GAN: variants seen among roughly 807,000 people sequenced by gnomAD.
GAN encodes the protein epididymis secretory sperm binding protein.
In GAN, 48 loss-of-function variants were observed where a neutral mutation model predicts 71.3. The ratio of observed to expected loss-of-function variants is 0.67; its 90% confidence interval spans 0.53 to 0.86. The LOEUF is 0.86. Ranked by LOEUF, GAN falls within the 40% of genes least tolerant of loss-of-function variation. The probability of loss-of-function intolerance (pLI) is 0.00; values close to 1 mark genes in which losing one functional copy is unlikely to be tolerated. For missense variants in GAN, 928 were observed against 770.1 expected, an observed-to-expected ratio of 1.21 and a Z score of -2.43; for synonymous variants, 386 against 276.8, an observed-to-expected ratio of 1.39 and a Z score of -3.92.
chr16:81,375,236 A>G (rs1292001679), intron 9 of GAN, among the ~76,000 whole-genome samples: 4 of 151,820 alleles, frequency 2.6e-5, no homozygotes, highest in Non-Finnish European at 2.9e-5. Flanking sequence ...TATCCACAGG[A>G]TATAAAGAAT....
At chr16:81,358,817 G>A (rs916882381) in intron 5 of GAN, among the ~76,000 whole-genome samples, 7 of 152,108 alleles carry the variant, frequency 4.6e-5, no homozygotes, top group Admixed American at 1.3e-4. Flanking sequence ...CTGTCTTTTC[G>A]CCGTGGTCCT....
chr16:81,371,305 T>A (rs925582976), intron 9 of GAN, among the ~76,000 whole-genome samples: 1 of 152,170 alleles, frequency 6.6e-6, no homozygotes, highest in Non-Finnish European at 1.5e-5. Flanking sequence ...ATCTCAAGAG[T>A]TGGCGTCTAT....
chr16:81,354,620 C>T lies in GAN; in HGVS notation c.498C>T (p.Ser166=). The part of the protein sequence containing the change: ...YLETHFRDVS[S]TEEFLELSPQ... ...AGACTCATTTCCGAGACGTCAGCAGCACGGAAGAATTCTTAGAGCTGAGTC... is the reference window on the plus strand; with the variant it reads ...AGACTCATTTCCGAGACGTCAGCAGTACGGAAGAATTCTTAGAGCTGAGTC... Residue 166 remains serine, a synonymous_variant, in exon 3 of 11, where the codon AGC becomes AGT. Transcript: ENST00000648994. 1 of 1,613,738 alleles carries T rather than the reference C, an allele frequency of 6.2e-7. No individual in the cohort carries two copies. Among genetic ancestry groups the T allele is most frequent in the Non-Finnish European group, 8.5e-7 (1 of 1,179,676 alleles).
rs1904308501 is a variant in GAN at position 81,382,112 on chromosome 16, C to T, written c.*4516C>T. 1 of 152,118 alleles carries T rather than the reference C, an allele frequency of 6.6e-6. No homozygotes were observed. The allele number at this position is 152,118 out of a possible 1,614,324, so 9.4% of individuals were successfully genotyped here. A position where few individuals can be genotyped will look rare whatever the true frequency, so the allele number is the denominator to read the frequency against. On this transcript the variant is annotated 3_prime_UTR_variant, in exon 11 of 11. Transcript: ENST00000648994. Reference sequence around the variant, plus strand: ...CCAGGACATACCCCTTTGATCCTCACACCTCTGGAATAGGCAGGGCACTCT... The same window carrying T: ...CCAGGACATACCCCTTTGATCCTCATACCTCTGGAATAGGCAGGGCACTCT...
intron 1 of GAN, among the ~76,000 whole-genome samples, chr16:81,347,866 G>C (rs577630872): frequency 9.9e-5 from 15 of 152,080 alleles, no homozygotes; most frequent in African/African-American, 2.9e-4. Context: ...TCTGGAGTGG[G>C]TCTATTTTCA....
At chr16:81,332,727 C>T (rs1444679271) in intron 1 of GAN, among the ~76,000 whole-genome samples, 1 of 152,204 alleles carries the variant, frequency 6.6e-6, no homozygotes, top group Non-Finnish European at 1.5e-5. Context: ...ATGACCACAG[C>T]TCTTCTGGTG....
Position 81,376,201 on chromosome 16 carries a change from A to G in GAN, c.1503-1018A>G, listed in dbSNP as rs537487713. Among the ~76,000 whole-genome samples, 7 of 151,770 alleles carry G rather than the reference A, an allele frequency of 4.6e-5. No individual in the cohort carries two copies. The South Asian group carries it at 1.2e-3, about 27-fold the overall frequency. On this transcript the variant is annotated intron_variant, in intron 9 of 10. Transcript: ENST00000648994. ...GCAGTGGGGCACTTTTTTTTTTTCCAGTAAACAATAACCTTACCATATAGC... is the reference window on the plus strand; with the variant it reads ...GCAGTGGGGCACTTTTTTTTTTTCCGGTAAACAATAACCTTACCATATAGC...
intron 1 of GAN, among the ~76,000 whole-genome samples, chr16:81,333,258 AAGG>A (rs1343078045): frequency 7.2e-5 from 11 of 151,864 alleles, no homozygotes; most frequent in Non-Finnish European, 1.3e-4. Flanking sequence ...AAAAAAAAAA[AAGG>A]AGGAATCCAC....
intron 1 of GAN, among the ~76,000 whole-genome samples, chr16:81,343,846 C>T (rs963635001): frequency 7.9e-5 from 12 of 152,160 alleles, no homozygotes; most frequent in African/African-American, 2.9e-4. Context: ...TTGCAGATGA[C>T]ATGATTGTAT....
rs1324877107 is a variant in GAN at position 81,377,222 on chromosome 16, G to T, written c.1506G>T (p.Trp502Cys). 1 of 1,586,542 alleles carries T rather than the reference G, an allele frequency of 6.3e-7. No individual in the cohort carries two copies. The highest frequency in any genetic ancestry group is 1.7e-5 in the Admixed American group (1 of 59,984). ...SEFYHDEFKR[W>C]IYLNDQNLCI... ...TGTGCATGGGCTTTGTTTTCAGGTG[G>T]ATCTATCTTAACGACCAGAATTTAT... The change falls in exon 10 of 11, where the codon TGG (tryptophan) becomes TGT (cysteine). Residue 502 changes from tryptophan to cysteine, a missense_variant. Trp to Cys is a radical substitution (Grantham distance 215). Coordinates refer to ENST00000648994, the MANE Select transcript of GAN (RefSeq NM_022041.4).
chr16:81,362,409 T>A (rs1597405656), intron 5 of GAN, 90 bp from the exon 6 acceptor site: 1 of 760,748 alleles, frequency 1.3e-6, no homozygotes, highest in East Asian at 2.5e-5. Context: ...CATCAGAGAG[T>A]TTCTTCAGAT....
At chr16:81,319,040 G>T (rs942869906) in intron 1 of GAN, among the ~76,000 whole-genome samples, 1 of 152,034 alleles carries the variant, frequency 6.6e-6, no homozygotes, top group Admixed American at 6.5e-5. Context: ...GACAGGCTGG[G>T]CGCAGTGGCT....
intron 9 of GAN, among the ~76,000 whole-genome samples, chr16:81,376,593 A>G (rs1310539570): frequency 6.6e-6 from 1 of 150,542 alleles, no homozygotes; most frequent in African/African-American, 2.4e-5. Flanking sequence ...ATGTATGTAT[A>G]AGTATATATT....
intron 1 of GAN, among the ~76,000 whole-genome samples, chr16:81,350,370 G>C (rs1734603552): frequency 1.3e-5 from 2 of 152,164 alleles, no homozygotes; most frequent in South Asian, 2.1e-4. Context: ...AAATGTTGTA[G>C]AGTTTATGAA....
In GAN at chr16:81,354,241, G is replaced by GA. The variant is rs5818329; in HGVS notation, c.283-149dup. Among the ~76,000 whole-genome samples, 881 of 144,866 alleles carry GA rather than the reference G, an allele frequency of 6.1e-3. 20 individuals carry two copies. The highest frequency in any genetic ancestry group is 0.055 in the East Asian group (274 of 5,014). ...TTATGTTGGTGCCTTCCAACTCTTG[G>GA]AAAAAAAAAAAAAAATGCTGGGTTA... On this transcript the variant is annotated intron_variant, in intron 2 of 10. Transcript: ENST00000648994.
Position 81,365,412 on chromosome 16 carries a change from G to A in GAN, c.1436G>A (p.Arg479His), listed in dbSNP as rs750919773. ...ELYVFGGVRS[R>H]EDAQGSEMVT... ...TATGTGTTTGGGGGAGTCCGAAGTC[G>A]TGAGGACGCCCAGGGTAGCGAGATG... Residue 479 changes from arginine (R) to histidine (H), a missense_variant, in exon 9 of 11, where the codon CGT (arginine) becomes CAT (histidine). Transcript: ENST00000648994. 9 of 1,613,488 alleles carry A rather than the reference G, an allele frequency of 5.6e-6. No individual in the cohort carries two copies. Among genetic ancestry groups the A allele is most frequent in the East Asian group, 4.5e-5 (2 of 44,870 alleles).
chr16:81,342,958 C>A (rs540702399), intron 1 of GAN, among the ~76,000 whole-genome samples: 1 of 152,148 alleles, frequency 6.6e-6, no homozygotes, highest in Admixed American at 6.6e-5. Flanking sequence ...CACCACCGAT[C>A]CCAAAGAAAT....
chr16:81,359,533 T>C (rs1472357099), intron 5 of GAN, among the ~76,000 whole-genome samples: 1 of 152,042 alleles, frequency 6.6e-6, no homozygotes, highest in Non-Finnish European at 1.5e-5. Context: ...ACCTTAGAAA[T>C]TACAGCCTGT....
chr16:81,363,307 A>G (rs549673089), intron 6 of GAN, among the ~76,000 whole-genome samples: 1 of 152,236 alleles, frequency 6.6e-6, no homozygotes, highest in Non-Finnish European at 1.5e-5. Flanking sequence ...AAAAGTGAGG[A>G]TTTTCTGATG....
Sources: gnomAD v4.1 joint callset for allele counts (sites outside exome capture counted in the v4.1 genomes callset) on GRCh38, gnomAD v4.1.1 for gene constraint, MANE v1.5 for transcripts, NCBI Gene and HGNC (gene_info 2026-07-23, HGNC 2026-07-21) for gene names.